The following SLC9B1 variants were observed in gnomAD, a reference collection of about 807,000 sequenced individuals.
SLC9B1 encodes the protein sodium/hydrogen exchanger 9B1.
SLC9B1 carries 32 observed loss-of-function variants against 51.7 expected under a neutral mutation model. The observed-to-expected ratio is 0.62, with a 90% CI of 0.47 to 0.83. The LOEUF is 0.83. Ranked by LOEUF, SLC9B1 falls within the 40% of genes least tolerant of loss-of-function variation. SLC9B1 has a pLI of 0.00. For synonymous variants in SLC9B1, 145 were observed against 212.7 expected, an observed-to-expected ratio of 0.68 and a Z score of 2.77; for missense variants, 406 against 613.2, an observed-to-expected ratio of 0.66 and a Z score of 3.57.
At chr4:102,999,347 A>T (rs971871687) in intron 1 of SLC9B1, among the ~76,000 whole-genome samples, 2 of 152,194 alleles carry the variant, frequency 1.3e-5, no homozygotes, top group African/African-American at 4.8e-5. Flanking sequence ...TACTTTTGGC[A>T]TCATAGCCGA....
intron 7 of SLC9B1, among the ~76,000 whole-genome samples, chr4:102,924,970 G>C (rs1238035477): frequency 6.6e-6 from 1 of 152,196 alleles, no homozygotes; most frequent in Non-Finnish European, 1.5e-5. Context: ...GTGTAAACTA[G>C]TTCAATCATT....
At chr4:102,973,148 G>A (rs1410004484) in intron 3 of SLC9B1, among the ~76,000 whole-genome samples, 1 of 152,064 alleles carries the variant, frequency 6.6e-6, no homozygotes, top group Non-Finnish European at 1.5e-5. Context: ...GTCTAAATTA[G>A]TTAAAGACAG....
chr4:103,014,721 C>CA (rs1339568192), intron 1 of SLC9B1: 8 of 152,128 alleles, frequency 5.3e-5, no homozygotes, highest in Non-Finnish European at 8.8e-5. Context: ...AAGAGGCCAC[C>CA]AGCCAGCCAA....
At chr4:102,963,589 G>A (rs537823413) in intron 3 of SLC9B1, among the ~76,000 whole-genome samples, 90 of 151,860 alleles carry the variant, frequency 5.9e-4, no homozygotes, top group Non-Finnish European at 1.1e-3. Flanking sequence ...CTTTTCACTT[G>A]AGCTTTTTTG....
intron 1 of SLC9B1, chr4:103,016,817 C>A (rs7698608): frequency 0.54 from 82,486 of 151,688 alleles, 22,955 homozygotes; most frequent in African/African-American, 0.67. Flanking sequence ...GGCTATTCTT[C>A]CATCTCTTTT....
chr4:102,894,065 C>T (rs1302450232), intron 11 of SLC9B1, among the ~76,000 whole-genome samples: 2 of 152,120 alleles, frequency 1.3e-5, no homozygotes, highest in Non-Finnish European at 2.9e-5. Flanking sequence ...ATTTCAATAT[C>T]AGTTAAGTAT....
At chr4:102,949,158 A>G (rs367615071) in intron 4 of SLC9B1, 99 bp downstream of exon 4, 21 of 1,012,166 alleles carry the variant, frequency 2.1e-5, no homozygotes, top group Non-Finnish European at 3.0e-5. Context: ...AAAACATACT[A>G]CATTGAAATA....
chr4:102,959,233 T>TAC (rs1452009247), intron 3 of SLC9B1, among the ~76,000 whole-genome samples: 5 of 109,818 alleles, frequency 4.6e-5, no homozygotes, highest in African/African-American at 2.0e-4. Flanking sequence ...TACATATATA[T>TAC]ATACACACAC....
At chr4:102,923,947 G>A (rs1488978947) in intron 7 of SLC9B1, among the ~76,000 whole-genome samples, 1 of 152,118 alleles carries the variant, frequency 6.6e-6, no homozygotes, top group Non-Finnish European at 1.5e-5. Context: ...CTCATGGATA[G>A]GAAGAATCAA....
At chr4:102,940,979 ATAGAT>A in intron 6 of SLC9B1, among the ~76,000 whole-genome samples, 1 of 152,310 alleles carries the variant, frequency 6.6e-6, no homozygotes, top group East Asian at 1.9e-4. Context: ...TCACCTCAAG[ATAGAT>A]TAAAGACTTA....
At chr4:102,948,586 A>C (rs562521013) in intron 4 of SLC9B1, among the ~76,000 whole-genome samples, 1 of 152,290 alleles carries the variant, frequency 6.6e-6, no homozygotes, top group East Asian at 1.9e-4. Flanking sequence ...TTAAATGACT[A>C]AATAAAGAAA....
chr4:102,985,922 C>T (rs1017027786), intron 3 of SLC9B1, among the ~76,000 whole-genome samples: 4 of 152,098 alleles, frequency 2.6e-5, no homozygotes, highest in African/African-American at 9.7e-5. Context: ...TGTATTATTG[C>T]TCTCATTCAT....
chr4:102,905,576 C>T lies in SLC9B1; in HGVS notation c.1270G>A (p.Gly424Ser). The change falls in exon 11 of 12, where the codon GGT (glycine) becomes AGT (serine). Residue 424 changes from glycine to serine, a missense_variant. Coordinates refer to ENST00000296422, the MANE Select transcript of SLC9B1 (RefSeq NM_139173.4). ...AATATTTTCTCCTTAAAACTAAAAC[C>T]AGCAAAGCACATCAATAGATATGTG... ...LTTYLLMCFA[G>S]FSFKEKIFIA... The T allele has an allele frequency of 1.2e-6, 2 of 1,611,090 alleles. No individual in the cohort carries two copies. Among genetic ancestry groups the T allele is most frequent in the South Asian group, 1.1e-5 (1 of 90,830 alleles).
At chr4:103,004,443 C>G (rs1740681795) in intron 1 of SLC9B1, among the ~76,000 whole-genome samples, 1 of 152,058 alleles carries the variant, frequency 6.6e-6, no homozygotes, top group African/African-American at 2.4e-5. Context: ...GTAAAGAGAA[C>G]AAATCTACAA....
intron 1 of SLC9B1, among the ~76,000 whole-genome samples, chr4:103,017,388 CT>C (rs1741429617): frequency 1.3e-5 from 2 of 152,202 alleles, no homozygotes; most frequent in African/African-American, 4.8e-5. Context: ...CTACTGGTTT[CT>C]CTTTACACTT....
chr4:102,982,463 G>T (rs539277840), intron 3 of SLC9B1, among the ~76,000 whole-genome samples: 23 of 151,944 alleles, frequency 1.5e-4, no homozygotes, highest in Non-Finnish European at 3.1e-4. Context: ...ATTTTGATTG[G>T]GATTGCATTG....
In SLC9B1 at chr4:102,906,695, T is replaced by A. The variant is rs1479329064; in HGVS notation, c.1087-51A>T. 2.5e-6 allele frequency: 3 copies of A among 1,210,018 alleles called. No individual in the cohort carries two copies. The Admixed American group carries it at 6.6e-5, about 26-fold the overall frequency. 75.0% of individuals were successfully genotyped at this position (1,210,018 alleles called of 1,614,324 possible). ...AATGATTTTGGCACATAAATATATT[T>A]CAGAAACTTAAAGTCTTCCCCCCCC... On this transcript the variant is annotated intron_variant, in intron 9 of 11. Transcript: ENST00000296422.
Position 102,885,497 on chromosome 4 carries a change from CCA to C in SLC9B1, c.1333-171_1333-170del, listed in dbSNP as rs374641336. On this transcript the variant is annotated intron_variant, in intron 11 of 11. Transcript: ENST00000394789. ...TAGGATTGTTTCGCCTCTTAAATCC[CCA>C]GTTTTGAAGTTCTTTAAGATGAGAG... 319 of 1,237,842 alleles carry C rather than the reference CCA, an allele frequency of 2.6e-4. 1 individual carries two copies. The East Asian group carries it at 4.7e-3, about 18-fold the overall frequency. 76.7% of individuals were successfully genotyped at this position (1,237,842 alleles called of 1,614,324 possible). A position where few individuals can be genotyped will look rare whatever the true frequency, so the allele number is the denominator to read the frequency against.
intron 1 of SLC9B1, among the ~76,000 whole-genome samples, chr4:103,017,211 T>A (rs1241912991): frequency 6.6e-6 from 1 of 152,090 alleles, no homozygotes. Context: ...CTCACATACA[T>A]CTACTTCTCT....
Sources: allele counts gnomAD v4.1 joint callset (sites outside exome capture counted in the v4.1 genomes callset), GRCh38; gene constraint gnomAD v4.1.1; transcripts MANE v1.5; gene names NCBI Gene and HGNC (gene_info 2026-07-23, HGNC 2026-07-21).